Variants in POLL observed in about 807,000 individuals in gnomAD.
POLL encodes the protein DNA polymerase beta-2.
POLL carries 44 observed loss-of-function variants against 58.1 expected under a neutral mutation model. That is an observed-to-expected ratio of 0.76 (90% CI 0.60 to 0.97). The LOEUF is 0.97. Among genes scored for constraint, POLL ranks in the 50% least tolerant of loss-of-function variants. The pLI is 0.00. For synonymous variants in POLL, 290 were observed against 283.2 expected (o/e 1.02, Z -0.24); for missense variants, 632 against 736.8 (o/e 0.86, Z 1.65).
intron 4 of POLL, among the ~76,000 whole-genome samples, 170 bp downstream of exon 4, chr10:101,585,146 T>A (rs2063237957): frequency 6.6e-6 from 1 of 152,170 alleles, no homozygotes; most frequent in South Asian, 2.1e-4. Flanking sequence ...GTGTTAGATA[T>A]GGCCTAGATA....
intron 2 of POLL, 107 bp from the exon 3 acceptor site, chr10:101,586,263 G>C (rs766683013): frequency 1.1e-5 from 11 of 961,448 alleles, no homozygotes; most frequent in Non-Finnish European, 1.7e-5. Flanking sequence ...CGTGTTCACA[G>C]TCCCCTACCC....
chr10:101,582,963 A>G, intron 6 of POLL, 72 bp from the exon 7 acceptor site: 1 of 1,588,058 alleles, frequency 6.3e-7, no homozygotes, highest in African/African-American at 1.3e-5. Context: ...GAGCACACAC[A>G]CAAGGCTTCC....
Position 101,588,178 on chromosome 10 carries a change from G to C in POLL, c.-403C>G, listed in dbSNP as rs937107196. ...GACTACTGGCCAAGCTAGTCACCCG[G>C]GGGTGGGCAGGAATAGACCACTTAC... On this transcript the variant is annotated 5_prime_UTR_variant, in exon 1 of 9. Coordinates refer to ENST00000370162, the MANE Select transcript of POLL (RefSeq NM_001174084.2). 1.3e-6 allele frequency: 2 copies of C among 1,527,040 alleles called. No individual in the cohort carries two copies. The highest frequency in any genetic ancestry group is 2.7e-5 in the African/African-American group (2 of 72,882). 94.6% of individuals were successfully genotyped at this position (1,527,040 alleles called of 1,614,324 possible). A position where few individuals can be genotyped will look rare whatever the true frequency, so the allele number is the denominator to read the frequency against.
At chr10:101,586,796 C>G (rs2063374845) in intron 2 of POLL, among the ~76,000 whole-genome samples, 2 of 152,152 alleles carry the variant, frequency 1.3e-5, no homozygotes, top group African/African-American at 4.8e-5. Context: ...CGCCCAGCCT[C>G]TCTCCATACT....
Position 101,585,974 on chromosome 10 carries a change from G to A in POLL, c.298C>T (p.Leu100=). 1.9e-6 allele frequency: 3 copies of A among 1,614,174 alleles called. No individual in the cohort carries two copies. The highest frequency in any genetic ancestry group is 2.5e-6 in the Non-Finnish European group (3 of 1,180,038). ...DYERALRLLR[L]PQLPPGAQLV... is the part of the protein sequence containing the mutation. ...TGAGCACCCGGGGGCAGCTGGGGTA[G>A]TCTGAGAAGGCGGAGGGCTCGCTCA... Residue 100 remains leucine, a synonymous_variant, in exon 3 of 9, where the codon CTA becomes TTA. Coordinates refer to ENST00000370162, the MANE Select transcript of POLL (RefSeq NM_001174084.2).
Position 101,583,669 on chromosome 10 carries a change from T to C in POLL, c.904A>G (p.Ile302Val), listed in dbSNP as rs778827421. The C allele has an allele frequency of 6.2e-7, 1 of 1,614,046 alleles. No individual in the cohort carries two copies. The change falls in exon 6 of 9, where the codon ATC (isoleucine) becomes GTC (valine). Residue 302 changes from isoleucine (I) to valine (V), a missense_variant. Ile to Val is a conservative substitution (Grantham distance 29, BLOSUM62 3). Coordinates refer to ENST00000370162, the MANE Select transcript of POLL (RefSeq NM_001174084.2). Reference protein sequence around the residue: ...PVTSYQEACSIPGIGKRMAEK... With the variant: ...PVTSYQEACSVPGIGKRMAEK... ...GCCATCCGCTTCCCAATCCCAGGGATACTGCAGGCCTCCTAGAGGAGGAGG... is the reference window on the plus strand; with the variant it reads ...GCCATCCGCTTCCCAATCCCAGGGACACTGCAGGCCTCCTAGAGGAGGAGG...
Position 101,586,081 on chromosome 10 carries a change from T to A in POLL, c.191A>T (p.Gln64Leu). The A allele has an allele frequency of 6.2e-7, 1 of 1,614,044 alleles. No individual in the cohort carries two copies. Among genetic ancestry groups the A allele is most frequent in the Non-Finnish European group, 8.5e-7 (1 of 1,180,034 alleles). Residue 64 changes from glutamine (Q) to leucine (L), a missense_variant, in exon 3 of 9, where the codon CAG (glutamine) becomes CTG (leucine). Transcript: ENST00000370162. ...TAGCTGGCCGCCATGCTGAACAATC[T>A]GCTTCTCAAAGAGTTCTGCCCGGGC... ...GRARAELFEK[Q>L]IVQHGGQLCP...
chr10:101,587,016 G>T, intron 2 of POLL: 1 of 773,034 alleles, frequency 1.3e-6, no homozygotes, highest in Non-Finnish European at 2.1e-6. Flanking sequence ...GGCCCAGGGA[G>T]TCTTTTCTGA....
intron 4 of POLL, 79 bp from the exon 5 acceptor site, chr10:101,584,998 T>G (rs897804675): frequency 1.2e-5 from 8 of 689,154 alleles, no homozygotes; most frequent in Admixed American, 4.1e-5. Context: ...GGTCATCTTC[T>G]TTGTGCGGGG....
At chr10:101,585,591 G>T in intron 3 of POLL, 113 bp from the exon 4 acceptor site, 1 of 1,015,262 alleles carries the variant, frequency 9.8e-7, no homozygotes. Flanking sequence ...TTAAGAAAAC[G>T]AGTTTTTTGA....
At chr10:101,586,383 T>C (rs755129821) in intron 2 of POLL, among the ~76,000 whole-genome samples, 73 of 152,238 alleles carry the variant, frequency 4.8e-4, no homozygotes, top group Non-Finnish European at 8.1e-4. Flanking sequence ...TACGTCCTGT[T>C]CCTTGGTGCA....
Position 101,582,787 on chromosome 10 carries a change from C to T in POLL, c.1170G>A (p.Glu390=). The T allele has an allele frequency of 6.2e-7, 1 of 1,614,224 alleles. No individual in the cohort carries two copies. Among genetic ancestry groups the T allele is most frequent in the Non-Finnish European group, 8.5e-7 (1 of 1,180,030 alleles). The change falls in exon 7 of 9, where the codon GAG becomes GAA. Residue 390 remains glutamate (E), a synonymous_variant. Coordinates refer to ENST00000370162, the MANE Select transcript of POLL (RefSeq NM_001174084.2). ...CTGTCTGCTCAATCTCTGTAGCCTCCTCCCTGGGCATACGTTCCAGGAAGT... is the reference window on the plus strand; with the variant it reads ...CTGTCTGCTCAATCTCTGTAGCCTCTTCCCTGGGCATACGTTCCAGGAAGT... ...YSDFLERMPR[E]EATEIEQTVQ...
chr10:101,587,509 C>A, intron 1 of POLL, 103 bp from the exon 2 acceptor site: 2 of 1,233,764 alleles, frequency 1.6e-6, no homozygotes, highest in Non-Finnish European at 2.1e-6. Flanking sequence ...TTTGGGGAAG[C>A]GGGTCGGGGG....
chr10:101,587,034 A>G lies in POLL; in HGVS notation c.115+212T>C. 3.1e-6 allele frequency: 3 copies of G among 958,638 alleles called. 1 individual carries two copies. The South Asian group carries it at 4.1e-5, about 13-fold the overall frequency. 59.4% of individuals were successfully genotyped at this position (958,638 alleles called of 1,614,324 possible). ...CCAGGGAGTCTTTTCTGATGGATAG[A>G]GGTCTTCGGGTAGAAAAGAAGGTAA... On this transcript the variant is annotated intron_variant, in intron 2 of 8. Transcript: ENST00000370162.
rs1260572905 is a variant in POLL at position 101,583,595 on chromosome 10, G to GT, written c.977dup (p.Asp326GlufsTer5). On this transcript the variant is annotated frameshift_variant, in exon 6 of 9. Transcript: ENST00000370162. LOFTEE classifies it high-confidence loss of function. ...AGACAGGCACGCTCTCACTGATATG[G>GT]TCCAGCTTCCGCAAATGCCCGCTCT... 12 of 1,614,114 alleles carry GT rather than the reference G, an allele frequency of 7.4e-6. No individual in the cohort carries two copies. The highest frequency in any genetic ancestry group is 1.0e-5 in the Non-Finnish European group (12 of 1,180,018).
At chr10:101,587,042 G>T in intron 2 of POLL, 1 of 1,042,872 alleles carries the variant, frequency 9.6e-7, no homozygotes. Flanking sequence ...AGAGGTCTTC[G>T]GGTAGAAAAG....
chr10:101,581,823 T>C (rs77998459), intron 7 of POLL: 1 of 152,084 alleles, frequency 6.6e-6, no homozygotes, highest in African/African-American at 2.4e-5. Flanking sequence ...TTTTTTTTTT[T>C]CAGACAGAGT....
chr10:101,584,876 A>C lies in POLL; in HGVS notation c.617T>G (p.Val206Gly). 3 of 1,443,488 alleles carry C rather than the reference A, an allele frequency of 2.1e-6. No homozygotes were observed. 89.4% of individuals were successfully genotyped at this position (1,443,488 alleles called of 1,614,324 possible). The change falls in exon 5 of 9, where the codon GTT becomes GGT. Residue 206 changes from valine to glycine, a missense_variant. Transcript: ENST00000370162. ...DEASDGEETQ[V>G]SAADLEALIS... is the part of the protein sequence containing the mutation. ...GAGGGCTTCCAGATCAGCTGCACTA[A>C]CCTGGGTTTCTTCCCCATCACTGGC...
intron 2 of POLL, 171 bp downstream of exon 2, chr10:101,587,075 G>A (rs1346550082): frequency 6.9e-7 from 1 of 1,443,028 alleles, no homozygotes; most frequent in Admixed American, 1.7e-5. Context: ...CAAATAGCCT[G>A]TCCAAGACCC....
Sources: allele counts gnomAD v4.1 joint callset (sites outside exome capture counted in the v4.1 genomes callset), GRCh38; gene constraint gnomAD v4.1.1; transcripts MANE v1.5; gene names NCBI Gene and HGNC (gene_info 2026-07-23, HGNC 2026-07-21).